Variants in CUX1 observed in about 807,000 individuals in gnomAD.
The protein encoded by CUX1 is protein CASP.
Under a neutral mutation model 158.8 loss-of-function variants are expected in CUX1, and 31 were observed. That is an observed-to-expected ratio of 0.20 (90% CI 0.15 to 0.26). CUX1 has a LOEUF of 0.26. CUX1 is among the 10% of genes least tolerant of loss of function. The probability of loss-of-function intolerance (pLI) is 1.00; values close to 1 mark genes in which losing one functional copy is unlikely to be tolerated. For synonymous variants in CUX1, 879 were observed against 862.1 expected (o/e 1.02, Z -0.34); for missense variants, 1,589 against 2,014.6 (o/e 0.79, Z 4.04).
At chr7:102,070,470 C>T (rs936275287) in intron 4 of CUX1, 53 bp downstream of exon 4, 66 of 1,443,048 alleles carry the variant, frequency 4.6e-5, no homozygotes, top group Non-Finnish European at 5.5e-5. Flanking sequence ...TCTGGTGAGT[C>T]GGTGGGTTTT....
chr7:101,887,842 C>CCT lies in CUX1; in HGVS notation c.31-28273_31-28272insCT, dbSNP rs1562966470. Among the ~76,000 whole-genome samples, 91 of 135,054 alleles carry CCT rather than the reference C, an allele frequency of 6.7e-4. 1 individual carries two copies. Among genetic ancestry groups the CCT allele is most frequent in the East Asian group, 1.1e-3 (5 of 4,404 alleles). 88.6% of individuals were successfully genotyped at this position (135,054 alleles called of 152,430 possible). A position where few individuals can be genotyped will look rare whatever the true frequency, so the allele number is the denominator to read the frequency against. ...CCACTGGATCTGGTGATGACGGTGA[C>CCT]ATTTTTTTTTTTTTTTTTTTTTGTT... On this transcript the variant is annotated intron_variant, in intron 1 of 23. Coordinates refer to ENST00000292535, the MANE Select transcript of CUX1 (RefSeq NM_181552.4).
At chr7:102,009,966 C>G (rs1817805803) in intron 2 of CUX1, among the ~76,000 whole-genome samples, 1 of 152,178 alleles carries the variant, frequency 6.6e-6, no homozygotes, top group Non-Finnish European at 1.5e-5. Context: ...TAAAGACAGC[C>G]TCTCCAGCAC....
chr7:102,142,392 A>C (rs1554500615), intron 8 of CUX1, among the ~76,000 whole-genome samples: 1 of 152,122 alleles, frequency 6.6e-6, no homozygotes, highest in Non-Finnish European at 1.5e-5. Flanking sequence ...TTTCACACTA[A>C]AACATGAAGG....
chr7:102,013,986 T>C (rs1818319326), intron 2 of CUX1, among the ~76,000 whole-genome samples: 1 of 152,230 alleles, frequency 6.6e-6, no homozygotes, highest in Admixed American at 6.5e-5. Context: ...ATTATAGGCA[T>C]GCATCAACAT....
Position 102,250,860 on chromosome 7 carries a change from C to T in CUX1, c.*1818C>T. On this transcript the variant is annotated 3_prime_UTR_variant, in exon 24 of 24. Transcript: ENST00000292535. ...TGTGCACACGTAGAGTGCATTACTG[C>T]CACCTTTTTCAATAAGCTGTTTTAT... 1 of 985,370 alleles carries T rather than the reference C, an allele frequency of 1.0e-6. No individual in the cohort carries two copies. Among genetic ancestry groups the T allele is most frequent in the Non-Finnish European group, 1.2e-6 (1 of 829,926 alleles). 61.0% of individuals were successfully genotyped at this position (985,370 alleles called of 1,614,324 possible).
intron 3 of CUX1, among the ~76,000 whole-genome samples, chr7:102,063,263 A>G (rs1195757846): frequency 1.3e-5 from 2 of 152,140 alleles, no homozygotes; most frequent in Non-Finnish European, 2.9e-5. Flanking sequence ...TTGGGTGTGT[A>G]CAGTGGAGAA....
rs78231431 is a variant in CUX1, at chr7:101,876,228, C to T, written c.31-39887C>T. ...GGTGTGGTGGCACACGCTTGTAGTC[C>T]CAGCTACTCTGGAGGCTGAGGCAGG... On this transcript the variant is annotated intron_variant, in intron 1 of 23. Coordinates refer to ENST00000292535, the MANE Select transcript of CUX1 (RefSeq NM_181552.4). Among the ~76,000 whole-genome samples the T allele has an allele frequency of 6.6e-5, 10 of 151,902 alleles. No homozygotes were observed. In the East Asian group the frequency reaches 1.9e-3, roughly 29 times the overall value.
intron 7 of CUX1, among the ~76,000 whole-genome samples, chr7:102,113,846 G>A (rs963851190): frequency 1.4e-4 from 21 of 152,148 alleles, no homozygotes; most frequent in Non-Finnish European, 2.2e-4. Context: ...GGGATTACAG[G>A]TGTGGGCTAC....
At chr7:101,885,035 G>T (rs73403622) in intron 1 of CUX1, among the ~76,000 whole-genome samples, 1 of 152,160 alleles carries the variant, frequency 6.6e-6, no homozygotes, top group Non-Finnish European at 1.5e-5. Context: ...GTCCTCTGTA[G>T]TGCCTATTTC....
At chr7:102,236,433 T>C (rs1799571213) in intron 22 of CUX1, among the ~76,000 whole-genome samples, 1 of 152,192 alleles carries the variant, frequency 6.6e-6, no homozygotes, top group Non-Finnish European at 1.5e-5. Flanking sequence ...TTTCAACTTA[T>C]TTTTCGTTTT....
chr7:102,053,465 T>C (rs1823768503), intron 3 of CUX1, among the ~76,000 whole-genome samples: 1 of 152,148 alleles, frequency 6.6e-6, no homozygotes, highest in African/African-American at 2.4e-5. Flanking sequence ...ACTTCTTTAA[T>C]TGCTTTTAAA....
intron 2 of CUX1, among the ~76,000 whole-genome samples, chr7:101,927,624 T>G (rs180884858): frequency 5.4e-4 from 82 of 152,250 alleles, no homozygotes; most frequent in African/African-American, 1.9e-3. Context: ...CACCCCAGCC[T>G]GGGCGGCAGA....
chr7:102,281,958 C>G (rs1218856531), intron 21 of CUX1: 3 of 1,421,418 alleles, frequency 2.1e-6, no homozygotes, highest in Non-Finnish European at 3.0e-6. Context: ...GCACATTCAC[C>G]ATCCCCAGCC....
intron 2 of CUX1, among the ~76,000 whole-genome samples, chr7:102,003,219 G>T (rs9641286): frequency 0.57 from 86,474 of 150,686 alleles, 25,371 homozygotes; most frequent in East Asian, 0.96. Context: ...CTCTAGAGAG[G>T]CCCCTTGATC....
At chr7:101,819,724 G>A (rs572167016) in intron 1 of CUX1, among the ~76,000 whole-genome samples, 1 of 152,152 alleles carries the variant, frequency 6.6e-6, no homozygotes, top group South Asian at 2.1e-4. Flanking sequence ...TGTGGGAAGG[G>A]GTCATTGGCA....
At chr7:102,182,557 G>T (rs567327504) in intron 11 of CUX1, among the ~76,000 whole-genome samples, 4 of 152,172 alleles carry the variant, frequency 2.6e-5, no homozygotes, top group African/African-American at 4.8e-5. Flanking sequence ...CGCTATCCAC[G>T]TGTGTCATGG....
downstream of CUX1, among the ~76,000 whole-genome samples, chr7:102,259,186 G>A (rs1554543007): frequency 6.6e-6 from 1 of 152,216 alleles, no homozygotes; most frequent in Non-Finnish European, 1.5e-5. Context: ...ACCCCCCAGT[G>A]CCAGGTGCCC....
chr7:101,818,894 A>G lies in CUX1; in HGVS notation c.30+1225A>G, dbSNP rs192958264. 3.3e-5 allele frequency: 5 copies of G among 152,250 alleles called. No individual in the cohort carries two copies. In the East Asian group the frequency reaches 9.6e-4, roughly 29 times the overall value. 9.4% of individuals were successfully genotyped at this position (152,250 alleles called of 1,614,324 possible). A position where few individuals can be genotyped will look rare whatever the true frequency, so the allele number is the denominator to read the frequency against. ...TTCTCATTTTTCCAGACCTCTTTAT[A>G]CTGAGATTGGGTTGCCACCTGGGGG... On this transcript the variant is annotated intron_variant, in intron 1 of 23. Transcript: ENST00000292535.
chr7:102,205,049 C>G (rs924919221), intron 19 of CUX1, 65 bp from the exon 20 acceptor site: 1 of 1,172,138 alleles, frequency 8.5e-7, no homozygotes, highest in African/African-American at 1.5e-5. Context: ...TTGCCACATT[C>G]AGTTAGGAAG....
Sources: allele counts gnomAD v4.1 joint callset (sites outside exome capture counted in the v4.1 genomes callset), GRCh38; gene constraint gnomAD v4.1.1; transcripts MANE v1.5; gene names NCBI Gene and HGNC (gene_info 2026-07-23, HGNC 2026-07-21).